The following ABI3BP variants were observed in gnomAD, a reference collection of about 807,000 sequenced individuals.
ABI3BP encodes the protein target of Nesh-SH3.
Under a neutral mutation model 268.6 loss-of-function variants are expected in ABI3BP, and 216 were observed. The ratio of observed to expected loss-of-function variants is 0.80; its 90% confidence interval spans 0.72 to 0.90. The LOEUF (loss-of-function observed/expected upper bound fraction) is 0.90. Among genes scored for constraint, ABI3BP ranks in the 40% least tolerant of loss-of-function variants. The pLI is 0.00. For missense variants in ABI3BP, 2,090 were observed against 2,182.4 expected (o/e 0.96, Z 0.84); for synonymous variants, 730 against 730.0 (o/e 1.00, Z 0.00).
rs72928390 is a variant in ABI3BP, at chr3:100,917,393, A to G, written c.259+8909T>C. Reference sequence around the variant, plus strand: ...TGTAAAATATTTAAAGGAAAATAATATATGGATAATCAGGAAAGTTGATGT... The same window carrying G: ...TGTAAAATATTTAAAGGAAAATAATGTATGGATAATCAGGAAAGTTGATGT... On this transcript the variant is annotated intron_variant, in intron 2 of 67. Transcript: ENST00000471714. Among the ~76,000 whole-genome samples, 360 of 152,328 alleles carry G rather than the reference A, an allele frequency of 2.4e-3. 1 individual carries two copies. Among genetic ancestry groups the G allele is most frequent in the African/African-American group, 8.2e-3 (341 of 41,570 alleles).
chr3:100,926,329 C>T lies in ABI3BP; in HGVS notation c.232G>A (p.Glu78Lys). Residue 78 changes from glutamate to lysine, a missense_variant, in exon 2 of 68, where the codon GAA (glutamate) becomes AAA (lysine). By Grantham distance (56) the Glu-to-Lys change is moderately conservative. Transcript: ENST00000471714. ...SPNQYFPLPA[E>K]GKFTEAIVDA... The stretch of plus-strand genomic sequence containing the variant: ...ACTATAGCTTCTGTGAATTTCCCTT[C>T]AGCGGGAAGAGGGAAGTACTGGTTT... The T allele has an allele frequency of 1.2e-6, 2 of 1,613,416 alleles. No homozygotes were observed. The highest frequency in any genetic ancestry group is 1.7e-6 in the Non-Finnish European group (2 of 1,179,576).
intron 55 of ABI3BP, 59 bp downstream of exon 55, chr3:100,792,632 T>C: frequency 6.5e-7 from 1 of 1,536,036 alleles, no homozygotes; most frequent in Non-Finnish European, 9.0e-7. Flanking sequence ...AGAAAATTTC[T>C]TTCCTGATTA....
chr3:100,834,893 A>G, intron 28 of ABI3BP, 120 bp from the exon 29 acceptor site: 1 of 932,252 alleles, frequency 1.1e-6, no homozygotes, highest in South Asian at 1.8e-5. Flanking sequence ...TCTTTGGTTT[A>G]GAATTTTCTT....
chr3:100,859,827 A>G (rs768790794), intron 14 of ABI3BP, among the ~76,000 whole-genome samples: 2 of 152,200 alleles, frequency 1.3e-5, no homozygotes, highest in Non-Finnish European at 2.9e-5. Flanking sequence ...TGCTATAACC[A>G]ACTACACCCG....
Position 100,838,424 on chromosome 3 carries a change from T to G in ABI3BP, c.1986A>C (p.Pro662=). 1.3e-6 allele frequency: 2 copies of G among 1,535,886 alleles called. No homozygotes were observed. Among genetic ancestry groups the G allele is most frequent in the Non-Finnish European group, 1.7e-6 (2 of 1,146,740 alleles). Residue 662 remains proline (P), a synonymous_variant, in exon 25 of 68, where the codon CCA becomes CCC. Coordinates refer to ENST00000471714, the MANE Select transcript of ABI3BP (RefSeq NM_001375547.2). ...TACCAGGCTGAATTTGAGGTGCATC[T>G]GGTCTGTGTGTGGTTTTAGGTCTCT... ...PSERPKTTHR[P]DAPQIQPGSK...
intron 14 of ABI3BP, among the ~76,000 whole-genome samples, chr3:100,859,328 T>C (rs1355842049): frequency 2.6e-5 from 4 of 152,152 alleles, no homozygotes; most frequent in African/African-American, 9.7e-5. Context: ...AATGTAATTG[T>C]GGCTTTTGCC....
At chr3:100,795,096 T>G (rs1455474447) in intron 53 of ABI3BP, 93 bp from the exon 54 acceptor site, 8 of 774,076 alleles carry the variant, frequency 1.0e-5, no homozygotes, top group African/African-American at 1.8e-5. Flanking sequence ...TCATTTGAAG[T>G]AGAAAAAGGA....
Position 100,886,284 on chromosome 3 carries a change from C to G in ABI3BP, c.501G>C (p.Lys167Asn), listed in dbSNP as rs759720414. Residue 167 changes from lysine (K) to asparagine (N), a missense_variant, in exon 5 of 68, where the codon AAG becomes AAC. Coordinates refer to ENST00000471714, the MANE Select transcript of ABI3BP (RefSeq NM_001375547.2). The part of the protein sequence containing the change: ...TIRYREKDKE[K>N]KWIFQICPAT... ...CTGGACAGATTTGAAAAATCCACTTCTTTTCTTTATCCTTTTCTCGATAGC... is the reference window on the plus strand; with the variant it reads ...CTGGACAGATTTGAAAAATCCACTTGTTTTCTTTATCCTTTTCTCGATAGC... 6.2e-7 allele frequency: 1 copy of G among 1,608,238 alleles called. No homozygotes were observed. The highest frequency in any genetic ancestry group is 8.5e-7 in the Non-Finnish European group (1 of 1,176,978).
intron 2 of ABI3BP, among the ~76,000 whole-genome samples, chr3:100,909,046 G>A (rs1378100573): frequency 1.3e-5 from 2 of 152,100 alleles, no homozygotes; most frequent in Admixed American, 1.3e-4. Context: ...CATGGTACTG[G>A]TACCAAAACA....
intron 63 of ABI3BP, among the ~76,000 whole-genome samples, chr3:100,763,377 C>T (rs1329203692): frequency 1.3e-5 from 2 of 151,318 alleles, no homozygotes; most frequent in East Asian, 1.9e-4. Context: ...GCAGGAGAAT[C>T]GCTTGAACCC....
At chr3:100,827,238 C>A (rs2098404254) in intron 34 of ABI3BP, among the ~76,000 whole-genome samples, 1 of 152,130 alleles carries the variant, frequency 6.6e-6, no homozygotes, top group Admixed American at 6.6e-5. Context: ...GTTCAACTAG[C>A]CTGCACACTG....
intron 62 of ABI3BP, among the ~76,000 whole-genome samples, chr3:100,769,994 C>T (rs997095451): frequency 2.6e-5 from 4 of 152,200 alleles, no homozygotes; most frequent in Non-Finnish European, 4.4e-5. Context: ...TGGTCCTGTG[C>T]ACTGCTCCTC....
At chr3:100,781,839 G>T (rs1404852858) in intron 57 of ABI3BP, among the ~76,000 whole-genome samples, 1 of 152,050 alleles carries the variant, frequency 6.6e-6, no homozygotes, top group African/African-American at 2.4e-5. Flanking sequence ...CCTTACAACC[G>T]TCTGTGTGTG....
rs1217524929 is a variant in ABI3BP, at chr3:100,840,090, C to T, written c.1879G>A (p.Val627Met). Residue 627 changes from valine to methionine, a missense_variant, in exon 23 of 68, where the codon GTG (valine) becomes ATG (methionine). Transcript: ENST00000471714. ...PRPKTTPSPE[V>M]PKSKPALEPA... ...CATTTACCGGGTTTGGACTTGGGCA[C>T]TTCTGGACTAGGTGTGGTTTTAGGG... The T allele has an allele frequency of 2.6e-6, 3 of 1,138,804 alleles. No homozygotes were observed. Among genetic ancestry groups the T allele is most frequent in the Non-Finnish European group, 3.6e-6 (3 of 842,672 alleles). 70.5% of individuals were successfully genotyped at this position (1,138,804 alleles called of 1,614,324 possible). A position where few individuals can be genotyped will look rare whatever the true frequency, so the allele number is the denominator to read the frequency against.
At chr3:100,758,916 A>G (rs1559843407) in intron 63 of ABI3BP, among the ~76,000 whole-genome samples, 1 of 152,206 alleles carries the variant, frequency 6.6e-6, no homozygotes, top group East Asian at 1.9e-4. Flanking sequence ...TGGAAGAGGT[A>G]ATATCCTCAA....
chr3:100,751,248 C>T (rs1023953744), intron 67 of ABI3BP, among the ~76,000 whole-genome samples: 19 of 152,078 alleles, frequency 1.2e-4, no homozygotes, highest in Non-Finnish European at 2.2e-4. Context: ...CGCAAGTACA[C>T]TCAGTATGAC....
intron 21 of ABI3BP, 85 bp downstream of exon 21, chr3:100,841,913 A>C (rs1277555539): frequency 2.5e-6 from 3 of 1,210,420 alleles, no homozygotes; most frequent in East Asian, 5.2e-5. Context: ...AAAAAAAAAA[A>C]AAACAAAACC....
At chr3:100,958,088 T>C (rs1475285560) in intron 1 of ABI3BP, among the ~76,000 whole-genome samples, 3 of 152,214 alleles carry the variant, frequency 2.0e-5, no homozygotes. Flanking sequence ...CAAATTCTGT[T>C]GACAGATTAA....
chr3:100,757,142 A>T (rs2095664127), intron 63 of ABI3BP, among the ~76,000 whole-genome samples: 1 of 152,168 alleles, frequency 6.6e-6, no homozygotes, highest in Non-Finnish European at 1.5e-5. Flanking sequence ...AAAAAATGAG[A>T]GAAAAGAAAG....
Sources: gnomAD v4.1 joint callset for allele counts (sites outside exome capture counted in the v4.1 genomes callset) on GRCh38, gnomAD v4.1.1 for gene constraint, MANE v1.5 for transcripts, NCBI Gene and HGNC (gene_info 2026-07-23, HGNC 2026-07-21) for gene names.